Variants in RNF185 observed in about 807,000 individuals in gnomAD.
RNF185 encodes ring finger protein 185.
A neutral mutation model predicts 24.9 loss-of-function variants in RNF185; 13 were observed. That is an observed-to-expected ratio of 0.52 (90% CI 0.34 to 0.83). The LOEUF is 0.83. RNF185 is among the 40% of genes least tolerant of loss of function. The pLI, the probability that RNF185 is intolerant of heterozygous loss-of-function variation, is 0.01. For missense variants in RNF185, 184 were observed against 244.7 expected, an observed-to-expected ratio of 0.75 and a Z score of 1.65; for synonymous variants, 79 against 90.3, an observed-to-expected ratio of 0.88 and a Z score of 0.71.
intron 1 of RNF185, among the ~76,000 whole-genome samples, chr22:31,180,666 C>T (rs1040824242): frequency 2.6e-5 from 4 of 151,990 alleles, no homozygotes; most frequent in East Asian, 1.9e-4. Flanking sequence ...ACTAGGGTTA[C>T]AGGCATGAGC....
chr22:31,162,923 A>C (rs1159232181), intron 1 of RNF185, among the ~76,000 whole-genome samples: 1 of 151,324 alleles, frequency 6.6e-6, no homozygotes, highest in Non-Finnish European at 1.5e-5. Context: ...CACCCCGATG[A>C]CTGGCTAATT....
intron 1 of RNF185, among the ~76,000 whole-genome samples, chr22:31,170,275 G>A (rs1230220037): frequency 2.0e-5 from 3 of 151,830 alleles, no homozygotes; most frequent in Admixed American, 6.6e-5. Flanking sequence ...TGCAAGCTCC[G>A]CCTCCCGGGT....
chr22:31,199,099 CAAA>C (rs10710631), intron 5 of RNF185, among the ~76,000 whole-genome samples: 10 of 143,526 alleles, frequency 7.0e-5, no homozygotes, highest in Non-Finnish European at 1.1e-4. Flanking sequence ...GACTCTGTCT[CAAA>C]AAAAAAAAAA....
At chr22:31,172,519 C>T (rs1189986794) in intron 1 of RNF185, among the ~76,000 whole-genome samples, 1 of 152,090 alleles carries the variant, frequency 6.6e-6, no homozygotes, top group East Asian at 1.9e-4. Flanking sequence ...GAGGCCGAGG[C>T]AGGCGCATCA....
intron 1 of RNF185, among the ~76,000 whole-genome samples, chr22:31,179,670 C>T (rs941692408): frequency 6.6e-6 from 1 of 152,192 alleles, no homozygotes; most frequent in Admixed American, 6.5e-5. Flanking sequence ...CAGTGCCTGG[C>T]CTGGCACAAG....
intron 1 of RNF185, among the ~76,000 whole-genome samples, chr22:31,165,946 C>T (rs1923895679): frequency 6.6e-6 from 1 of 152,190 alleles, no homozygotes; most frequent in South Asian, 2.1e-4. Flanking sequence ...TTGAAACAAA[C>T]AAAAGCTTCA....
At chr22:31,170,961 T>G (rs554776781) in intron 1 of RNF185, among the ~76,000 whole-genome samples, 12 of 150,344 alleles carry the variant, frequency 8.0e-5, no homozygotes, top group African/African-American at 2.4e-4. Context: ...CATGTGGGGG[T>G]TTTTAAAGAT....
intron 2 of RNF185, among the ~76,000 whole-genome samples, chr22:31,188,994 A>C (rs1045972613): frequency 1.4e-5 from 2 of 142,396 alleles, no homozygotes; most frequent in African/African-American, 2.6e-5. Flanking sequence ...GGTGTGGTGG[A>C]GTGCACCTGT....
At chr22:31,196,618 A>T (rs1332075385) in intron 4 of RNF185, among the ~76,000 whole-genome samples, 1 of 152,180 alleles carries the variant, frequency 6.6e-6, no homozygotes, top group Non-Finnish European at 1.5e-5. Context: ...TGTTATCTGT[A>T]ACAGGCCCAG....
Position 31,168,254 on chromosome 22 carries a change from A to G in RNF185, c.-49+7951A>G, listed in dbSNP as rs190062622. Among the ~76,000 whole-genome samples the G allele has an allele frequency of 2.6e-5, 4 of 152,248 alleles. No individual in the cohort carries two copies. In the East Asian group the frequency reaches 7.7e-4, roughly 29 times the overall value. ...TGGCTGGTGTCAGACTCTTGGGTTT[A>G]AGTGAACTTTCTGCCTCAGCCTCCC... On this transcript the variant is annotated intron_variant, in intron 1 of 6. Coordinates refer to ENST00000326132, the MANE Select transcript of RNF185 (RefSeq NM_152267.4).
chr22:31,180,024 G>C (rs2048018107), intron 1 of RNF185, among the ~76,000 whole-genome samples: 1 of 149,806 alleles, frequency 6.7e-6, no homozygotes, highest in Admixed American at 6.7e-5. Context: ...TGGCCATATG[G>C]ACAGTCAGTG....
At chr22:31,163,076 T>G (rs1923681491) in intron 1 of RNF185, among the ~76,000 whole-genome samples, 1 of 152,146 alleles carries the variant, frequency 6.6e-6, no homozygotes. Flanking sequence ...CTTTTTACAT[T>G]TTTAAATGAT....
chr22:31,189,308 G>A (rs200351924), intron 2 of RNF185, among the ~76,000 whole-genome samples: 5 of 4,692 alleles, frequency 1.1e-3, no homozygotes, highest in African/African-American at 3.2e-3. Context: ...TTTTTTTTTT[G>A]TGGAGACAGC....
At chr22:31,186,494 C>T (rs1037467278) in intron 1 of RNF185, among the ~76,000 whole-genome samples, 4 of 152,144 alleles carry the variant, frequency 2.6e-5, no homozygotes, top group Admixed American at 1.3e-4. Flanking sequence ...CCCAGCTACT[C>T]GGGAGGCTGA....
At chr22:31,193,839 AAAAC>A (rs901424338) in intron 3 of RNF185, among the ~76,000 whole-genome samples, 6 of 152,022 alleles carry the variant, frequency 3.9e-5, no homozygotes, top group African/African-American at 7.2e-5. Context: ...AAACAAGCAA[AAAAC>A]AAACAAAAAC....
intron 3 of RNF185, among the ~76,000 whole-genome samples, chr22:31,194,505 A>C (rs932722253): frequency 2.0e-5 from 3 of 152,032 alleles, no homozygotes; most frequent in Non-Finnish European, 4.4e-5. Context: ...CAAGGGAGGA[A>C]GATCACGAGG....
chr22:31,189,135 A>AATGTGTGTG (rs1555882536), intron 2 of RNF185, among the ~76,000 whole-genome samples: 1 of 136,872 alleles, frequency 7.3e-6, no homozygotes, highest in Non-Finnish European at 1.6e-5. Context: ...CAAAAAAAAA[A>AATGTGTGTG]TGTGTGTGTG....
At chr22:31,162,624 T>G (rs1923648363) in intron 1 of RNF185, among the ~76,000 whole-genome samples, 1 of 152,026 alleles carries the variant, frequency 6.6e-6, no homozygotes, top group Admixed American at 6.6e-5. Context: ...AAATCTTTTT[T>G]TTTTTTTTAA....
intron 3 of RNF185, among the ~76,000 whole-genome samples, chr22:31,193,518 G>T (rs2048175061): frequency 6.6e-6 from 1 of 152,178 alleles, no homozygotes; most frequent in Admixed American, 6.5e-5. Flanking sequence ...TTTTGGCCGG[G>T]TGTGGTGGCT....
Sources: gnomAD v4.1 joint callset for allele counts (sites outside exome capture counted in the v4.1 genomes callset) on GRCh38, gnomAD v4.1.1 for gene constraint, MANE v1.5 for transcripts, NCBI Gene and HGNC (gene_info 2026-07-23, HGNC 2026-07-21) for gene names.